The following CASP9 variants were observed in gnomAD, a reference collection of about 807,000 sequenced individuals.
CASP9 encodes the protein caspase-9.
In CASP9, 29 loss-of-function variants were observed where a neutral mutation model predicts 43.5. That is an observed-to-expected ratio of 0.67 (90% CI 0.50 to 0.91). The LOEUF is 0.91. Among genes scored for constraint, CASP9 ranks in the 40% least tolerant of loss-of-function variants. The pLI is 0.00. For missense variants in CASP9, 575 were observed against 537.4 expected (o/e 1.07, Z -0.69); for synonymous variants, 206 against 211.9 (o/e 0.97, Z 0.24).
intron 6 of CASP9, 22 bp downstream of exon 6, chr1:15,504,589 G>A (rs768106450): frequency 1.9e-6 from 3 of 1,602,126 alleles, no homozygotes; most frequent in Admixed American, 1.7e-5. Context: ...CCCACCCAGA[G>A]GGAGGCTGAG....
intron 6 of CASP9, 74 bp from the exon 7 acceptor site, chr1:15,495,526 G>C: frequency 7.7e-7 from 1 of 1,293,082 alleles, no homozygotes; most frequent in Non-Finnish European, 1.0e-6. Flanking sequence ...ATGAAAGTCG[G>C]TGCAATATAC....
At position 15,513,260 on chromosome 1, in the gene CASP9, G is replaced by C. The variant is rs547511846; in HGVS notation, c.418+4850C>G. Among the ~76,000 whole-genome samples, 3 of 151,874 alleles carry C rather than the reference G, an allele frequency of 2.0e-5. No homozygotes were observed. The East Asian group carries it at 5.8e-4, about 30-fold the overall frequency. On this transcript the variant is annotated intron_variant, in intron 2 of 8. Coordinates refer to ENST00000333868, the MANE Select transcript of CASP9 (RefSeq NM_001229.5). ...CAAATGTTTACTAAGTACCTGCTGA[G>C]TTCTAGGTGTTGGGGATGCAGCATT...
At chr1:15,523,688 G>T (rs913825286) in intron 1 of CASP9, among the ~76,000 whole-genome samples, 1 of 151,548 alleles carries the variant, frequency 6.6e-6, no homozygotes, top group African/African-American at 2.4e-5. Context: ...AGGCAATTTT[G>T]TAACTGCAAA....
In CASP9 at chr1:15,495,286, G is replaced by A; in HGVS notation, c.1035C>T (p.Tyr345=). ...TGATGTGCTCACCTGGGAAAGTAGA[G>A]TAGGACACAAAGATGTCACTGGGTG... is the stretch of plus-strand genomic sequence containing the variant. The part of the protein sequence containing the change: ...LPTPSDIFVS[Y]STFPGFVSWR... The change falls in exon 7 of 9, where the codon TAC becomes TAT. Residue 345 remains tyrosine (Y), a synonymous_variant. Transcript: ENST00000333868. 3 of 1,611,106 alleles carry A rather than the reference G, an allele frequency of 1.9e-6. No individual in the cohort carries two copies. Among genetic ancestry groups the A allele is most frequent in the Non-Finnish European group, 2.5e-6 (3 of 1,179,002 alleles).
chr1:15,516,624 C>T (rs953103441), intron 2 of CASP9, among the ~76,000 whole-genome samples: 18 of 152,268 alleles, frequency 1.2e-4, no homozygotes, highest in African/African-American at 4.3e-4. Flanking sequence ...TACAGGCTCA[C>T]ACCACCACAC....
chr1:15,496,970 G>A (rs549336782), intron 6 of CASP9, among the ~76,000 whole-genome samples: 26 of 152,108 alleles, frequency 1.7e-4, no homozygotes, highest in South Asian at 6.2e-4. Flanking sequence ...TGCAGTGATC[G>A]CGCCACTGCA....
intron 7 of CASP9, among the ~76,000 whole-genome samples, chr1:15,494,451 G>C (rs539939312): frequency 3.5e-4 from 53 of 151,994 alleles, no homozygotes; most frequent in African/African-American, 1.3e-3. Context: ...TGTAATCCCA[G>C]CTACTTAGGA....
chr1:15,492,964 T>G lies in CASP9; in HGVS notation c.1230A>C (p.Lys410Asn). 2 of 1,613,948 alleles carry G rather than the reference T, an allele frequency of 1.2e-6. No homozygotes were observed. Among genetic ancestry groups the G allele is most frequent in the Non-Finnish European group, 1.7e-6 (2 of 1,180,030 alleles). Residue 410 changes from lysine (K) to asparagine (N), a missense_variant, in exon 9 of 9, where the codon AAA becomes AAC. Coordinates refer to ENST00000333868, the MANE Select transcript of CASP9 (RefSeq NM_001229.5). The stretch of plus-strand genomic sequence containing the variant: ...GGCCTTATGATGTTTTAAAGAAAAG[T>G]TTTTTCCGGAGGAAATTAAAGCAAC... ...MPGCFNFLRK[K>N]LFFKTS
intron 2 of CASP9, among the ~76,000 whole-genome samples, chr1:15,513,059 G>T (rs4646020): frequency 0.016 from 2,436 of 151,998 alleles, 58 homozygotes; most frequent in African/African-American, 0.056. Context: ...TACTCGGGAG[G>T]CTGAGGCGAG....
chr1:15,493,495 G>C, intron 8 of CASP9: 2 of 1,324,730 alleles, frequency 1.5e-6, no homozygotes, highest in Non-Finnish European at 1.9e-6. Context: ...GATGTACAAG[G>C]AGGGGTTCAC....
intron 1 of CASP9, among the ~76,000 whole-genome samples, chr1:15,522,938 A>T (rs1462322129): frequency 6.6e-6 from 1 of 152,222 alleles, no homozygotes; most frequent in Non-Finnish European, 1.5e-5. Context: ...AACTTATTTT[A>T]TTATTAATGA....
intron 8 of CASP9, chr1:15,493,646 G>A: frequency 1.4e-6 from 2 of 1,444,378 alleles, no homozygotes; most frequent in Non-Finnish European, 1.8e-6. Context: ...AGCGGGAGGT[G>A]TCAACCTGGG....
Position 15,518,219 on chromosome 1 carries a change from T to C in CASP9, c.309A>G (p.Leu103=). Residue 103 remains leucine, a synonymous_variant, in exon 2 of 9, where the codon CTA becomes CTG. Coordinates refer to ENST00000333868, the MANE Select transcript of CASP9 (RefSeq NM_001229.5). ...RQAAKLSKPT[L]ENLTPVVLRP... is the part of the protein sequence containing the mutation. ...TGAGCACCACTGGGGTAAGGTTTTCTAGGGTTGGCTTCGACAACTTTGCTG... is the reference window on the plus strand; with the variant it reads ...TGAGCACCACTGGGGTAAGGTTTTCCAGGGTTGGCTTCGACAACTTTGCTG... 1.2e-6 allele frequency: 2 copies of C among 1,614,214 alleles called. No individual in the cohort carries two copies. The highest frequency in any genetic ancestry group is 1.3e-5 in the African/African-American group (1 of 75,040).
At chr1:15,524,231 C>T, upstream of CASP9, 2 of 1,529,684 alleles carry the variant, frequency 1.3e-6, no homozygotes, top group East Asian at 5.0e-5. Context: ...TCCAGGCCGC[C>T]TCAGTCCGCT....
At chr1:15,523,185 C>CA (rs1387203458) in intron 1 of CASP9, among the ~76,000 whole-genome samples, 1 of 152,244 alleles carries the variant, frequency 6.6e-6, no homozygotes, top group African/African-American at 2.4e-5. Flanking sequence ...CCCTCATTTC[C>CA]AAAACCTCTT....
chr1:15,524,860 C>T (rs1570887147), upstream of CASP9: 4 of 861,114 alleles, frequency 4.6e-6, no homozygotes, highest in Non-Finnish European at 5.6e-6. Context: ...ACCTCAGCGC[C>T]TCGCGCCGAC....
intron 1 of CASP9, 116 bp from the exon 2 acceptor site, chr1:15,518,511 T>G: frequency 9.2e-7 from 1 of 1,088,442 alleles, no homozygotes; most frequent in Non-Finnish European, 1.3e-6. Context: ...TGGGCAGCAA[T>G]GGAGCTGCAG....
rs1708926454 is a variant in CASP9 at position 15,492,434 on chromosome 1, A to T, written c.*509T>A. 6.5e-6 allele frequency: 1 copy of T among 153,254 alleles called. No homozygotes were observed. The highest frequency in any genetic ancestry group is 1.5e-5 in the Non-Finnish European group (1 of 68,818). 9.5% of individuals were successfully genotyped at this position (153,254 alleles called of 1,614,324 possible). A position where few individuals can be genotyped will look rare whatever the true frequency, so the allele number is the denominator to read the frequency against. On this transcript the variant is annotated 3_prime_UTR_variant, in exon 9 of 9. Coordinates refer to ENST00000333868, the MANE Select transcript of CASP9 (RefSeq NM_001229.5). ...CGATACTGGTTTGTGTGTAGCCAAA[A>T]ATCCCTACAGACCAGTGGTTGTCAG...
intron 7 of CASP9, among the ~76,000 whole-genome samples, chr1:15,494,829 C>T (rs1709039195): frequency 2.1e-5 from 3 of 143,122 alleles, no homozygotes; most frequent in African/African-American, 8.0e-5. Flanking sequence ...CGCCACTGCA[C>T]TCCAGCCTGG....
Sources: gnomAD v4.1 joint callset for allele counts (sites outside exome capture counted in the v4.1 genomes callset) on GRCh38, gnomAD v4.1.1 for gene constraint, MANE v1.5 for transcripts, NCBI Gene and HGNC (gene_info 2026-07-23, HGNC 2026-07-21) for gene names.